The following GPC5 variants were observed in gnomAD, a reference collection of about 807,000 sequenced individuals.
GPC5 encodes the protein glypican-5.
GPC5 carries 47 observed loss-of-function variants against 53.9 expected under a neutral mutation model. The observed-to-expected ratio is 0.87, with a 90% confidence interval of 0.69 to 1.11. GPC5 has a LOEUF of 1.11. Among genes scored for constraint, GPC5 ranks in the 50% most tolerant of loss-of-function variants. The pLI is 0.00. For synonymous variants in GPC5, 286 were observed against 263.3 expected, an observed-to-expected ratio of 1.09 and a Z score of -0.84; for missense variants, 748 against 713.1, an observed-to-expected ratio of 1.05 and a Z score of -0.56.
At chr13:92,540,127 T>C (rs1881887014) in intron 7 of GPC5, among the ~76,000 whole-genome samples, 1 of 152,006 alleles carries the variant, frequency 6.6e-6, no homozygotes. Context: ...AATAACAATA[T>C]ATCGATATAG....
intron 5 of GPC5, among the ~76,000 whole-genome samples, chr13:91,795,917 T>C (rs532795084): frequency 6.6e-6 from 1 of 152,320 alleles, no homozygotes; most frequent in Non-Finnish European, 1.5e-5. Flanking sequence ...TAAAACATAA[T>C]GATTTCTTTA....
chr13:92,820,894 A>G (rs943188953), intron 7 of GPC5, among the ~76,000 whole-genome samples: 1 of 152,156 alleles, frequency 6.6e-6, no homozygotes, highest in South Asian at 2.1e-4. Flanking sequence ...CTATTTTCCA[A>G]TGAGGAGTCT....
At chr13:92,807,811 T>C (rs1486332865) in intron 7 of GPC5, among the ~76,000 whole-genome samples, 6 of 152,124 alleles carry the variant, frequency 3.9e-5, no homozygotes, top group African/African-American at 1.2e-4. Context: ...CTTTAAAGGC[T>C]GTGTGACTAA....
Position 91,549,425 on chromosome 13 carries a change from C to A in GPC5, c.325+100503C>A, listed in dbSNP as rs186358940. ...CTAGACTTCACTACAATTTAAAAGC[C>A]CTTCTCTGAAAAAGATGATGTCAAG... is the stretch of plus-strand genomic sequence containing the variant. On this transcript the variant is annotated intron_variant, in intron 2 of 7. Coordinates refer to ENST00000377067, the MANE Select transcript of GPC5 (RefSeq NM_004466.6). 7.4e-4 allele frequency among the ~76,000 whole-genome samples: 112 copies of A among 152,050 alleles called. 1 individual carries two copies. Among genetic ancestry groups the A allele is most frequent in the African/African-American group, 2.5e-3 (104 of 41,476 alleles).
intron 5 of GPC5, among the ~76,000 whole-genome samples, chr13:91,764,754 T>G (rs2037488474): frequency 6.6e-6 from 1 of 152,134 alleles, no homozygotes; most frequent in Non-Finnish European, 1.5e-5. Flanking sequence ...CAAACAATGT[T>G]TCTGACTCCC....
rs73614263 is a variant in GPC5 at position 91,454,765 on chromosome 13, C to T, written c.325+5843C>T. 5.5e-3 allele frequency among the ~76,000 whole-genome samples: 834 copies of T among 152,148 alleles called. 13 individuals carry two copies. Among genetic ancestry groups the T allele is most frequent in the African/African-American group, 0.017 (722 of 41,536 alleles). On this transcript the variant is annotated intron_variant, in intron 2 of 7. Transcript: ENST00000377067. ...TCTGTTAGCATAAAGGAAGAAAATA[C>T]ATAAATTATATTTATATTCTCATTC...
At chr13:92,716,237 T>A (rs930802645) in intron 7 of GPC5, among the ~76,000 whole-genome samples, 17 of 152,084 alleles carry the variant, frequency 1.1e-4, no homozygotes, top group African/African-American at 3.9e-4. Context: ...TATAAGAAGA[T>A]CCCTCCATTT....
chr13:91,559,047 A>T (rs528944197), intron 2 of GPC5, among the ~76,000 whole-genome samples: 4 of 152,024 alleles, frequency 2.6e-5, no homozygotes, highest in Non-Finnish European at 5.9e-5. Context: ...ATCCTCACTG[A>T]TACAGAATTA....
chr13:91,959,176 TA>T (rs145198317), intron 6 of GPC5, among the ~76,000 whole-genome samples: 2,895 of 140,696 alleles, frequency 0.021, 80 homozygotes, highest in African/African-American at 0.071. Flanking sequence ...GATTAACCAA[TA>T]AAAAAAAGAC....
chr13:92,565,432 T>G (rs1454130561), intron 7 of GPC5, among the ~76,000 whole-genome samples: 1 of 152,080 alleles, frequency 6.6e-6, no homozygotes, highest in Non-Finnish European at 1.5e-5. Flanking sequence ...AATAAAAACC[T>G]GCCAACCTCA....
In GPC5 at chr13:92,767,133, TTTTG is replaced by T. The variant is rs147060737; in HGVS notation, c.1562-99133_1562-99130del. The stretch of plus-strand genomic sequence containing the variant: ...AGAAAGAAGCAGTGAGGCACATTGT[TTTTG>T]TTTGTTTGTTTGTTTTTCTCTGTTA... On this transcript the variant is annotated intron_variant, in intron 7 of 7. Coordinates refer to ENST00000377067, the MANE Select transcript of GPC5 (RefSeq NM_004466.6). 1.2e-3 allele frequency among the ~76,000 whole-genome samples: 188 copies of T among 152,218 alleles called. No homozygotes were observed. The East Asian group carries it at 0.016, about 13-fold the overall frequency.
chr13:91,503,381 C>G (rs1047222997), intron 2 of GPC5, among the ~76,000 whole-genome samples: 3 of 151,676 alleles, frequency 2.0e-5, no homozygotes, highest in African/African-American at 7.3e-5. Context: ...ATTTATTTTC[C>G]AGCTCCACCC....
intron 6 of GPC5, among the ~76,000 whole-genome samples, chr13:92,123,752 TA>T (rs1409595688): frequency 6.6e-6 from 1 of 152,102 alleles, no homozygotes; most frequent in Non-Finnish European, 1.5e-5. Flanking sequence ...TTCCTATGAA[TA>T]AAAAATGATT....
At chr13:91,466,421 A>T (rs1429914244) in intron 2 of GPC5, among the ~76,000 whole-genome samples, 1 of 152,136 alleles carries the variant, frequency 6.6e-6, no homozygotes, top group Non-Finnish European at 1.5e-5. Context: ...TGTGACAGGA[A>T]CAAACTTTAC....
chr13:92,090,041 A>G (rs537428322), intron 6 of GPC5, among the ~76,000 whole-genome samples: 2 of 152,306 alleles, frequency 1.3e-5, no homozygotes, highest in South Asian at 4.1e-4. Flanking sequence ...TTATGTGGTG[A>G]AAAAGTATGT....
chr13:91,834,536 A>G (rs1338334663), intron 5 of GPC5, among the ~76,000 whole-genome samples: 3 of 152,176 alleles, frequency 2.0e-5, no homozygotes, highest in African/African-American at 7.2e-5. Context: ...TGGTACTGGT[A>G]CTAAAACAGA....
chr13:91,936,444 T>A (rs2039872001), intron 6 of GPC5, among the ~76,000 whole-genome samples: 1 of 152,038 alleles, frequency 6.6e-6, no homozygotes, highest in Admixed American at 6.6e-5. Context: ...CAAGAGAGGC[T>A]GGGAAAAGTA....
intron 7 of GPC5, among the ~76,000 whole-genome samples, chr13:92,210,292 T>C (rs1475282760): frequency 6.6e-6 from 1 of 152,168 alleles, no homozygotes; most frequent in Non-Finnish European, 1.5e-5. Flanking sequence ...TTGTAGTATA[T>C]TTCTTTTTTA....
intron 5 of GPC5, among the ~76,000 whole-genome samples, chr13:91,817,698 G>C (rs1388805206): frequency 6.6e-6 from 1 of 152,118 alleles, no homozygotes; most frequent in African/African-American, 2.4e-5. Flanking sequence ...AGATGAAAAG[G>C]CTTCACTTTT....
Sources: allele counts gnomAD v4.1 joint callset (sites outside exome capture counted in the v4.1 genomes callset), GRCh38; gene constraint gnomAD v4.1.1; transcripts MANE v1.5; gene names NCBI Gene and HGNC (gene_info 2026-07-23, HGNC 2026-07-21).